The following ARHGAP42 variants were observed in gnomAD, a reference collection of about 807,000 sequenced individuals.
ARHGAP42 encodes Rho GTPase activating protein 42, also known as rho GTPase-activating protein 42.
A neutral mutation model predicts 125.0 loss-of-function variants in ARHGAP42; 63 were observed. That is an observed-to-expected ratio of 0.50 (90% CI 0.41 to 0.62). The LOEUF (loss-of-function observed/expected upper bound fraction) is 0.62. Among genes scored for constraint, ARHGAP42 ranks in the 20% least tolerant of loss-of-function variants. The probability of loss-of-function intolerance (pLI) is 0.00; values close to 1 mark genes in which losing one functional copy is unlikely to be tolerated. For synonymous variants in ARHGAP42, 339 were observed against 351.0 expected, an observed-to-expected ratio of 0.97 and a Z score of 0.38; for missense variants, 766 against 1,024.2, an observed-to-expected ratio of 0.75 and a Z score of 3.44.
At chr11:100,783,393 A>C (rs1863359127) in intron 2 of ARHGAP42, among the ~76,000 whole-genome samples, 1 of 152,212 alleles carries the variant, frequency 6.6e-6, no homozygotes, top group Non-Finnish European at 1.5e-5. Context: ...CTGAGATCAC[A>C]CCACTGCACT....
At chr11:100,790,834 T>C (rs1308040156) in intron 2 of ARHGAP42, among the ~76,000 whole-genome samples, 1 of 152,224 alleles carries the variant, frequency 6.6e-6, no homozygotes, top group African/African-American at 2.4e-5. Flanking sequence ...CCAGCTGTTG[T>C]GTTACATGTT....
chr11:100,875,767 G>A (rs1388535782), intron 4 of ARHGAP42, among the ~76,000 whole-genome samples: 1 of 151,224 alleles, frequency 6.6e-6, no homozygotes, highest in Non-Finnish European at 1.5e-5. Context: ...GTGGCGGGGG[G>A]TGACTGGACA....
intron 5 of ARHGAP42, among the ~76,000 whole-genome samples, chr11:100,917,449 C>T (rs1867104378): frequency 6.6e-6 from 1 of 152,170 alleles, no homozygotes; most frequent in South Asian, 2.1e-4. Flanking sequence ...GTTGCTAAGA[C>T]TTTAGATTGA....
At chr11:100,699,199 C>T (rs376669209) in intron 1 of ARHGAP42, among the ~76,000 whole-genome samples, 2 of 152,142 alleles carry the variant, frequency 1.3e-5, no homozygotes, top group East Asian at 3.9e-4. Context: ...CTTTAGGCAA[C>T]ATCAGACTCA....
At chr11:100,760,226 T>C (rs1862670635) in intron 1 of ARHGAP42, among the ~76,000 whole-genome samples, 1 of 152,216 alleles carries the variant, frequency 6.6e-6, no homozygotes, top group Admixed American at 6.5e-5. Flanking sequence ...GACAAAGGGC[T>C]GTTTCTGACG....
At chr11:100,770,600 CAG>C (rs1362952131) in intron 2 of ARHGAP42, among the ~76,000 whole-genome samples, 162 bp downstream of exon 2, 6 of 152,094 alleles carry the variant, frequency 3.9e-5, no homozygotes, top group African/African-American at 7.2e-5. Context: ...TTTTTGGAGA[CAG>C]AGTCTCTCTC....
intron 1 of ARHGAP42, among the ~76,000 whole-genome samples, chr11:100,743,674 GC>G (rs1840100765): frequency 6.6e-6 from 1 of 152,076 alleles, no homozygotes; most frequent in Non-Finnish European, 1.5e-5. Flanking sequence ...CAAACGTTTT[GC>G]TTTCTCTTCT....
intron 4 of ARHGAP42, among the ~76,000 whole-genome samples, chr11:100,882,969 T>C (rs1865996477): frequency 6.6e-6 from 1 of 152,238 alleles, no homozygotes; most frequent in East Asian, 1.9e-4. Context: ...TCATTTCTAA[T>C]TGACCTTATT....
intron 4 of ARHGAP42, among the ~76,000 whole-genome samples, chr11:100,882,386 G>A (rs868480313): frequency 1.3e-5 from 2 of 151,810 alleles, no homozygotes; most frequent in African/African-American, 2.4e-5. Flanking sequence ...TTTATGTGGT[G>A]TATCACATTT....
intron 1 of ARHGAP42, among the ~76,000 whole-genome samples, chr11:100,750,720 C>T (rs567321487): frequency 4.1e-5 from 6 of 147,692 alleles, no homozygotes; most frequent in Non-Finnish European, 5.9e-5. Flanking sequence ...TGAGTCAGGG[C>T]GGAGCAGGTA....
chr11:100,905,135 C>T (rs1866686692), intron 4 of ARHGAP42, among the ~76,000 whole-genome samples: 1 of 152,192 alleles, frequency 6.6e-6, no homozygotes, highest in Non-Finnish European at 1.5e-5. Context: ...CTTGCTATCC[C>T]ATCTCCATTT....
chr11:100,823,387 T>C (rs1341979802), intron 3 of ARHGAP42, among the ~76,000 whole-genome samples: 1 of 152,156 alleles, frequency 6.6e-6, no homozygotes, highest in African/African-American at 2.4e-5. Flanking sequence ...CAGCACTGCC[T>C]CTGGAAAGGG....
At position 100,976,399 on chromosome 11, in the gene ARHGAP42, C is replaced by T; in HGVS notation, c.2198C>T (p.Ala733Val). The change falls in exon 20 of 24, where the codon GCT (alanine) becomes GTT (valine). Residue 733 changes from alanine (A) to valine (V), a missense_variant. Transcript: ENST00000298815. ...TATGGGCTTTCAGGACTGAAAAGAG[C>T]TTCTGCTTCTTCTCTCAGATCCATC... The part of the protein sequence containing the change: ...EPYGLSGLKR[A>V]SASSLRSISA... The T allele has an allele frequency of 6.5e-7, 1 of 1,540,076 alleles. No homozygotes were observed. The highest frequency in any genetic ancestry group is 8.7e-7 in the Non-Finnish European group (1 of 1,143,680).
chr11:100,816,888 G>C (rs1473156602), intron 3 of ARHGAP42: 2 of 152,170 alleles, frequency 1.3e-5, no homozygotes, highest in East Asian at 1.9e-4. Flanking sequence ...GCTTTGTGGG[G>C]TCTGCTCATG....
intron 3 of ARHGAP42, among the ~76,000 whole-genome samples, chr11:100,824,995 T>C (rs1864482106): frequency 6.6e-6 from 1 of 152,188 alleles, no homozygotes; most frequent in South Asian, 2.1e-4. Flanking sequence ...CAAAGGAGGA[T>C]GGTTAACAAC....
At chr11:100,743,404 G>A (rs1473495268) in intron 1 of ARHGAP42, among the ~76,000 whole-genome samples, 1 of 152,136 alleles carries the variant, frequency 6.6e-6, no homozygotes, top group East Asian at 1.9e-4. Flanking sequence ...CCAATCTTCT[G>A]GTTTTTAAGA....
At chr11:100,738,174 T>G (rs1444687377) in intron 1 of ARHGAP42, among the ~76,000 whole-genome samples, 30 of 152,206 alleles carry the variant, frequency 2.0e-4, no homozygotes, top group Non-Finnish European at 1.5e-5. Flanking sequence ...AGCCTTTAAT[T>G]TATAGCTGTC....
intron 1 of ARHGAP42, among the ~76,000 whole-genome samples, chr11:100,741,106 C>T (rs1862175566): frequency 1.3e-5 from 2 of 152,322 alleles, no homozygotes; most frequent in South Asian, 4.1e-4. Flanking sequence ...TCTCAGCTCA[C>T]TTCAGCCTCC....
chr11:100,891,402 G>A (rs1866214923), intron 4 of ARHGAP42, among the ~76,000 whole-genome samples: 1 of 150,106 alleles, frequency 6.7e-6, no homozygotes, highest in African/African-American at 2.5e-5. Flanking sequence ...TAGGTTCAGA[G>A]ATGAGTAAGT....
Sources: gnomAD v4.1 joint callset for allele counts (sites outside exome capture counted in the v4.1 genomes callset) on GRCh38, gnomAD v4.1.1 for gene constraint, MANE v1.5 for transcripts, NCBI Gene and HGNC (gene_info 2026-07-23, HGNC 2026-07-21) for gene names.